CES1: variants seen among roughly 807,000 people sequenced by gnomAD.
The protein encoded by CES1 is liver carboxylesterase 1.
In CES1, 50 loss-of-function variants were observed where a neutral mutation model predicts 53.0. The ratio of observed to expected loss-of-function variants is 0.94; its 90% CI spans 0.75 to 1.19. CES1 has a LOEUF of 1.19. Among genes scored for constraint, CES1 ranks in the 50% most tolerant of loss-of-function variants. The pLI, the probability that CES1 is intolerant of heterozygous loss-of-function variation, is 0.00. For missense variants in CES1, 534 were observed against 538.0 expected (o/e 0.99, Z 0.07); for synonymous variants, 202 against 210.1 (o/e 0.96, Z 0.33).
rs2032103718 is a variant in CES1 at position 55,819,932 on chromosome 16, A to T, written c.802-293T>A. 5.3e-6 allele frequency: 3 copies of T among 568,102 alleles called. No homozygotes were observed. In the South Asian group the frequency reaches 5.9e-5, roughly 11 times the overall value. 35.2% of individuals were successfully genotyped at this position (568,102 alleles called of 1,614,324 possible). A position where few individuals can be genotyped will look rare whatever the true frequency, so the allele number is the denominator to read the frequency against. On this transcript the variant is annotated intron_variant, in intron 6 of 13. Coordinates refer to ENST00000360526, the MANE Select transcript of CES1 (RefSeq NM_001025195.2). ...TCAAGAAATGTGAGGTGGAGCTGGG[A>T]TAGAGAGCATGGAATCCTGAATTTC...
At chr16:55,821,242 A>G (rs2032176752) in intron 5 of CES1, 126 bp downstream of exon 5, 1 of 1,291,180 alleles carries the variant, frequency 7.7e-7, no homozygotes, top group Non-Finnish European at 1.1e-6. Flanking sequence ...CTGGGCTGTG[A>G]GTAGGGCCAG....
intron 8 of CES1, among the ~76,000 whole-genome samples, chr16:55,816,512 T>G (rs150099636): frequency 1.3e-5 from 2 of 152,342 alleles, no homozygotes; most frequent in African/African-American, 4.8e-5. Context: ...GTTTCCTGTG[T>G]GCTGGGAGGA....
intron 1 of CES1, among the ~76,000 whole-genome samples, chr16:55,832,582 T>C (rs1295483173): frequency 6.6e-6 from 1 of 152,158 alleles, no homozygotes; most frequent in African/African-American, 2.4e-5. Context: ...GTCCCTTGCC[T>C]AAGGACACAC....
At chr16:55,812,150 C>T (rs1412602142) in intron 9 of CES1, among the ~76,000 whole-genome samples, 1 of 152,250 alleles carries the variant, frequency 6.6e-6, no homozygotes, top group African/African-American at 2.4e-5. Context: ...ATCTGTCCTA[C>T]TGCTTTAACC....
At chr16:55,818,908 G>T (rs1419970151) in intron 7 of CES1, among the ~76,000 whole-genome samples, 9 of 152,290 alleles carry the variant, frequency 5.9e-5, no homozygotes, top group Admixed American at 5.9e-4. Context: ...AAGGTGGCTG[G>T]ATGATCCATG....
At chr16:55,809,113 C>G (rs1314352026) in intron 11 of CES1, among the ~76,000 whole-genome samples, 1 of 23,020 alleles carries the variant, frequency 4.3e-5, no homozygotes, top group Non-Finnish European at 1.1e-4. Context: ...AAAAAAAAAG[C>G]CCTGAACTTA....
chr16:55,829,096 A>G (rs2032539093), intron 1 of CES1, 122 bp from the exon 2 acceptor site: 4 of 1,092,874 alleles, frequency 3.7e-6, no homozygotes, highest in Non-Finnish European at 5.4e-6. Context: ...TCTAGGCCTC[A>G]GTTTCTCTTG....
Position 55,828,768 on chromosome 16 carries a change from T to C in CES1, c.259A>G (p.Met87Val), listed in dbSNP as rs757381382. The C allele has an allele frequency of 5.6e-6, 9 of 1,614,232 alleles. No individual in the cohort carries two copies. Among genetic ancestry groups the C allele is most frequent in the African/African-American group, 1.3e-5 (1 of 75,062 alleles). Residue 87 changes from methionine (M) to valine (V), a missense_variant and splice_region_variant, in exon 2 of 14, where the codon ATG becomes GTG. This residue lies in a region of CES1 where 164 missense variants were observed against 162.4 expected (regional missense o/e 1.01). Coordinates refer to ENST00000360526, the MANE Select transcript of CES1 (RefSeq NM_001025195.2). The stretch of plus-strand genomic sequence containing the variant: ...CCAAGGACACATGCCGCAGCTTACA[T>C]AGGAGGGTACGAGGTGGCATTCTTC... ...FVKNATSYPPMCTQDPKAGQL... is the reference protein window; with the variant it reads ...FVKNATSYPPVCTQDPKAGQL...
intron 10 of CES1, 30 bp from the exon 11 acceptor site, chr16:55,810,694 C>A: frequency 1.2e-6 from 2 of 1,612,998 alleles, no homozygotes; most frequent in Non-Finnish European, 1.7e-6. Context: ...GACCACCAGC[C>A]CCGGGTGAGC....
At position 55,819,527 on chromosome 16, in the gene CES1, C is replaced by G; in HGVS notation, c.906+8G>C. 6.2e-7 allele frequency: 1 copy of G among 1,604,812 alleles called. No individual in the cohort carries two copies. Among genetic ancestry groups the G allele is most frequent in the Non-Finnish European group, 8.5e-7 (1 of 1,171,848 alleles). On this transcript the variant is annotated splice_region_variant and intron_variant, in intron 7 of 13. Transcript: ENST00000360526. ...ACAGGGTTTGGGCTACGGGAACAGGCAACCTACCATTTTCAATGTCGTCTC... is the reference window on the plus strand; with the variant it reads ...ACAGGGTTTGGGCTACGGGAACAGGGAACCTACCATTTTCAATGTCGTCTC...
At position 55,816,905 on chromosome 16, in the gene CES1, A is replaced by G. The variant is rs759985279; in HGVS notation, c.945+19T>C. On this transcript the variant is annotated intron_variant, in intron 8 of 13. Transcript: ENST00000360526. ...TGCTAAGACTCAAAACCCGTAATCC[A>G]GAAACAAAAGGTCCTTACCTCTCTG... 4 of 1,613,652 alleles carry G rather than the reference A, an allele frequency of 2.5e-6. No individual in the cohort carries two copies. The highest frequency in any genetic ancestry group is 3.4e-6 in the Non-Finnish European group (4 of 1,179,548).
chr16:55,814,232 A>G (rs570680279), intron 8 of CES1, among the ~76,000 whole-genome samples: 1 of 152,360 alleles, frequency 6.6e-6, no homozygotes, highest in African/African-American at 2.4e-5. Context: ...CTCACAGTAT[A>G]TTGATCCATG....
intron 4 of CES1, 41 bp from the exon 5 acceptor site, chr16:55,821,562 G>A: frequency 1.2e-6 from 2 of 1,612,156 alleles, no homozygotes; most frequent in Non-Finnish European, 8.5e-7. Context: ...GAGCAGAGAT[G>A]TCATGCAGGA....
intron 9 of CES1, chr16:55,812,536 G>C (rs566356402): frequency 2.8e-6 from 1 of 354,344 alleles, no homozygotes; most frequent in Admixed American, 3.9e-5. Flanking sequence ...CACCCAGCCC[G>C]AGGTGGGAAG....
intron 7 of CES1, among the ~76,000 whole-genome samples, chr16:55,819,309 G>C (rs1468440973): frequency 6.6e-6 from 1 of 152,152 alleles, no homozygotes; most frequent in Non-Finnish European, 1.5e-5. Flanking sequence ...TTAAATTTTG[G>C]TCAGGACTGG....
Position 55,814,773 on chromosome 16 carries a change from C to T in CES1, c.946-1730G>A, listed in dbSNP as rs1367073550. On this transcript the variant is annotated intron_variant, in intron 8 of 13. Coordinates refer to ENST00000360526, the MANE Select transcript of CES1 (RefSeq NM_001025195.2). ...CTTCTGGGACCTTTGGTCTGCTCTA[C>T]AAAAGCCAATGAATGACGAGCTAGT... Among the ~76,000 whole-genome samples, 9 of 152,344 alleles carry T rather than the reference C, an allele frequency of 5.9e-5. No homozygotes were observed. In the South Asian group the frequency reaches 6.2e-4, roughly 11 times the overall value.
intron 8 of CES1, among the ~76,000 whole-genome samples, chr16:55,815,627 T>G (rs1321060225): frequency 6.6e-6 from 1 of 152,196 alleles, no homozygotes; most frequent in Non-Finnish European, 1.5e-5. Flanking sequence ...CAGCAAATCC[T>G]GTCAGCTATT....
At chr16:55,816,820 G>A in intron 8 of CES1, 104 bp downstream of exon 8, 3 of 1,338,226 alleles carry the variant, frequency 2.2e-6, no homozygotes, top group East Asian at 4.5e-5. Flanking sequence ...AAACACGCAG[G>A]AGTTACTATA....
chr16:55,827,302 A>AATAATAATAATG (rs2032458332), intron 2 of CES1, among the ~76,000 whole-genome samples: 1 of 149,938 alleles, frequency 6.7e-6, no homozygotes, highest in Non-Finnish European at 1.5e-5. Context: ...TAATAATAAT[A>AATAATAATAATG]ATAATACATT....
Sources: gnomAD v4.1 joint callset for allele counts (sites outside exome capture counted in the v4.1 genomes callset) on GRCh38, gnomAD v4.1.1 for gene constraint, gnomAD v4.1.1 regional missense constraint, MANE v1.5 for transcripts, NCBI Gene and HGNC (gene_info 2026-07-23, HGNC 2026-07-21) for gene names.